Variants in STAT1 observed in about 807,000 individuals in gnomAD.
STAT1 encodes signal transducer and activator of transcription 1-alpha/beta.
Under a neutral mutation model 111.7 loss-of-function variants are expected in STAT1, and 24 were observed. That is an observed-to-expected ratio of 0.21 (90% CI 0.16 to 0.30). STAT1 has a LOEUF of 0.30. Ranked by LOEUF, STAT1 falls within the 10% of genes least tolerant of loss-of-function variation. STAT1 has a pLI of 1.00. For synonymous variants in STAT1, 332 were observed against 326.5 expected, an observed-to-expected ratio of 1.02 and a Z score of -0.18; for missense variants, 351 against 911.9, an observed-to-expected ratio of 0.38 and a Z score of 7.92.
rs756579283 is a variant in STAT1 at position 190,986,833 on chromosome 2, A to G, written c.1221+21T>C. The G allele has an allele frequency of 1.9e-6, 3 of 1,608,174 alleles. No homozygotes were observed. In the Admixed American group the frequency reaches 5.0e-5, roughly 27 times the overall value. ...TCCTAAGAAACCAGAGACAACATAG[A>G]GAGGAAACTGATGTCCCTACCAGGT... On this transcript the variant is annotated intron_variant, in intron 14 of 24. Coordinates refer to ENST00000361099, the MANE Select transcript of STAT1 (RefSeq NM_007315.4). This position sits in a 1 kb window ranked among gnomAD's most constrained non-coding sequence, Gnocchi z 5.0.
chr2:190,980,624 C>T lies in STAT1; in HGVS notation c.1628G>A (p.Cys543Tyr). ...TAAAACCCAGACAGTCCTCACCTTA[C>T]AAAACCTCGTCCACGGAATGAGACC... ...PDGLIPWTRF[C>Y]KENINDKNFP... The change falls in exon 19 of 25, where the codon TGT (cysteine) becomes TAT (tyrosine). Residue 543 changes from cysteine to tyrosine, a missense_variant. Around this residue, in one of 7 missense-constraint regions of STAT1, gnomAD observed 181 missense variants for 426.1 expected, o/e 0.42. Coordinates refer to ENST00000361099, the MANE Select transcript of STAT1 (RefSeq NM_007315.4). This position sits in a 1 kb window ranked among gnomAD's most constrained non-coding sequence, Gnocchi z 6.1. 1.2e-6 allele frequency: 2 copies of T among 1,614,202 alleles called. No individual in the cohort carries two copies. Among genetic ancestry groups the T allele is most frequent in the South Asian group, 1.1e-5 (1 of 91,086 alleles).
At position 190,997,476 on chromosome 2, in the gene STAT1, G is replaced by C. The variant is rs1280495396; in HGVS notation, c.785+380C>G. Reference sequence around the variant, plus strand: ...GGCATTTAATAAGTATTACTGGATGGATGACTGAATGTTTCCTAAAAAACT... The same window carrying C: ...GGCATTTAATAAGTATTACTGGATGCATGACTGAATGTTTCCTAAAAAACT... On this transcript the variant is annotated intron_variant, in intron 9 of 24. Transcript: ENST00000361099. The surrounding 1 kb of genome is among the most constrained non-coding windows in gnomAD (Gnocchi z 7.3). 6.6e-6 allele frequency among the ~76,000 whole-genome samples: 1 copy of C among 152,228 alleles called. No homozygotes were observed. The highest frequency in any genetic ancestry group is 1.5e-5 in the Non-Finnish European group (1 of 68,050).
In STAT1 at chr2:191,004,048, G is replaced by C. The variant is rs980978890; in HGVS notation, c.373-2885C>G. The stretch of plus-strand genomic sequence containing the variant: ...GGAAAAACCTGGTGACTGTGGCAGG[G>C]CCTAAGAAATCTCCTGCTTCCAACT... On this transcript the variant is annotated intron_variant, in intron 5 of 24. Coordinates refer to ENST00000361099, the MANE Select transcript of STAT1 (RefSeq NM_007315.4). This position sits in a 1 kb window ranked among gnomAD's most constrained non-coding sequence, Gnocchi z 5.0. Among the ~76,000 whole-genome samples, 1 of 152,148 alleles carries C rather than the reference G, an allele frequency of 6.6e-6. No individual in the cohort carries two copies. The highest frequency in any genetic ancestry group is 2.4e-5 in the African/African-American group (1 of 41,422).
chr2:191,011,189 T>C (rs1261503402), intron 2 of STAT1, among the ~76,000 whole-genome samples: 4 of 152,200 alleles, frequency 2.6e-5, no homozygotes, highest in Admixed American at 2.0e-4. Context: ...TATATACCAG[T>C]AGAAACGGAC....
Position 190,970,531 on chromosome 2 carries a change from C to T in STAT1, c.*172G>A, listed in dbSNP as rs1470359868. 1 of 724,322 alleles carries T rather than the reference C, an allele frequency of 1.4e-6. No individual in the cohort carries two copies. Among genetic ancestry groups the T allele is most frequent in the African/African-American group, 1.7e-5 (1 of 57,308 alleles). The allele number at this position is 724,322 out of a possible 1,614,324, so 44.9% of individuals were successfully genotyped here. ...AGATGCATGATGCCCTTCAGAGTAA[C>T]TGATGTTTCTGAGTTAGAGAAAAAT... On this transcript the variant is annotated 3_prime_UTR_variant, in exon 25 of 25. Coordinates refer to ENST00000361099, the MANE Select transcript of STAT1 (RefSeq NM_007315.4). This position sits in a 1 kb window ranked among gnomAD's most constrained non-coding sequence, Gnocchi z 5.4.
At position 191,012,364 on chromosome 2, in the gene STAT1, T is replaced by C. The variant is rs1354301737; in HGVS notation, c.-2+1161A>G. ...CCAGGAGGCGGAGGTTGCAGTGAGC[T>C]GAGATCGCGCCACTGTACTCCAGCC... On this transcript the variant is annotated intron_variant, in intron 2 of 24. Coordinates refer to ENST00000361099, the MANE Select transcript of STAT1 (RefSeq NM_007315.4). This position sits in a 1 kb window ranked among gnomAD's most constrained non-coding sequence, Gnocchi z 4.0. Among the ~76,000 whole-genome samples, 4 of 151,250 alleles carry C rather than the reference T, an allele frequency of 2.6e-5. No homozygotes were observed. The highest frequency in any genetic ancestry group is 5.9e-5 in the Non-Finnish European group (4 of 67,876).
Position 190,975,031 on chromosome 2 carries a change from CA to C in STAT1, c.2136-100del. ...TATCTTTTGTCTGTAATTGAATTAT[CA>C]CGTTATATTTTTATTTTGGGTAAGT... On this transcript the variant is annotated intron_variant, in intron 23 of 24. Coordinates refer to ENST00000361099, the MANE Select transcript of STAT1 (RefSeq NM_007315.4). The surrounding 1 kb of genome is among the most constrained non-coding windows in gnomAD (Gnocchi z 5.9). 2.1e-6 allele frequency: 2 copies of C among 964,810 alleles called. No homozygotes were observed. The highest frequency in any genetic ancestry group is 3.3e-6 in the Non-Finnish European group (2 of 610,570). The allele number at this position is 964,810 out of a possible 1,614,324, so 59.8% of individuals were successfully genotyped here. A position where few individuals can be genotyped will look rare whatever the true frequency, so the allele number is the denominator to read the frequency against.
In STAT1 at chr2:190,999,551, G is replaced by T; in HGVS notation, c.541+75C>A. 1 of 995,664 alleles carries T rather than the reference G, an allele frequency of 1.0e-6. No individual in the cohort carries two copies. Among genetic ancestry groups the T allele is most frequent in the Non-Finnish European group, 1.6e-6 (1 of 619,416 alleles). The allele number at this position is 995,664 out of a possible 1,614,324, so 61.7% of individuals were successfully genotyped here. On this transcript the variant is annotated intron_variant, in intron 7 of 24. Transcript: ENST00000361099. The surrounding 1 kb of genome is among the most constrained non-coding windows in gnomAD (Gnocchi z 4.1). ...TAAAATACTCGGCAAATAGAAAGGA[G>T]TAATCATCTTCGTTATCTAGTGTGA...
In STAT1 at chr2:190,986,890, G is replaced by A. The variant is rs2125034871; in HGVS notation, c.1185C>T (p.Ser395=). The A allele has an allele frequency of 6.2e-7, 1 of 1,614,212 alleles. No homozygotes were observed. Among genetic ancestry groups the A allele is most frequent in the Non-Finnish European group, 8.5e-7 (1 of 1,180,038 alleles). The change falls in exon 14 of 25, where the codon TCC becomes TCT. Residue 395 remains serine, a synonymous_variant. Coordinates refer to ENST00000361099, the MANE Select transcript of STAT1 (RefSeq NM_007315.4). The surrounding 1 kb of genome is among the most constrained non-coding windows in gnomAD (Gnocchi z 5.0). ...THTKVMNMEE[S]TNGSLAAEFR... ...ATTCAGCCGCCAGACTGCCATTGGTGGACTCCTCCATGTTCATCACTTTTG... is the reference window on the plus strand; with the variant it reads ...ATTCAGCCGCCAGACTGCCATTGGTAGACTCCTCCATGTTCATCACTTTTG...
Position 190,999,031 on chromosome 2 carries a change from A to G in STAT1, c.541+595T>C, listed in dbSNP as rs377387712. ...ATGAATAGAGTAACAGCAGTACCCT[A>G]CGTGTCCTACACAATGTACATTCTT... On this transcript the variant is annotated intron_variant, in intron 7 of 24. Coordinates refer to ENST00000361099, the MANE Select transcript of STAT1 (RefSeq NM_007315.4). The surrounding 1 kb of genome is among the most constrained non-coding windows in gnomAD (Gnocchi z 4.1). Among the ~76,000 whole-genome samples the G allele has an allele frequency of 5.3e-5, 8 of 152,112 alleles. 1 individual carries two copies. The highest frequency in any genetic ancestry group is 3.8e-4 in the East Asian group (2 of 5,200).
Position 190,986,778 on chromosome 2 carries a change from T to G in STAT1, c.1221+76A>C. 2 of 1,418,272 alleles carry G rather than the reference T, an allele frequency of 1.4e-6. No individual in the cohort carries two copies. The highest frequency in any genetic ancestry group is 1.0e-6 in the Non-Finnish European group (1 of 1,002,482). The allele number at this position is 1,418,272 out of a possible 1,614,324, so 87.9% of individuals were successfully genotyped here. On this transcript the variant is annotated intron_variant, in intron 14 of 24. Coordinates refer to ENST00000361099, the MANE Select transcript of STAT1 (RefSeq NM_007315.4). The surrounding 1 kb of genome is among the most constrained non-coding windows in gnomAD (Gnocchi z 5.0). ...GGGGGGCGTCCTCCACATGGCAATG[T>G]GCCAAAAAGGGCTGCTCTATTGTCA...
intron 10 of STAT1, chr2:190,992,645 G>A: frequency 1.8e-5 from 22 of 1,200,032 alleles, no homozygotes; most frequent in Non-Finnish European, 2.2e-5. Flanking sequence ...AATTTTAGCA[G>A]GAACCTCCAC....
In STAT1 at chr2:190,971,486, C is replaced by T. The variant is rs1285033622; in HGVS notation, c.2239-769G>A. Among the ~76,000 whole-genome samples, 1 of 152,146 alleles carries T rather than the reference C, an allele frequency of 6.6e-6. No individual in the cohort carries two copies. The highest frequency in any genetic ancestry group is 2.4e-5 in the African/African-American group (1 of 41,422). ...AAGCACAGGAAAGCTCCCCACCCCA[C>T]CAATCCCCAACAAATAATTCTGAAG... is the stretch of plus-strand genomic sequence containing the variant. On this transcript the variant is annotated intron_variant, in intron 24 of 24. Transcript: ENST00000361099. The surrounding 1 kb of genome is among the most constrained non-coding windows in gnomAD (Gnocchi z 4.1).
Position 190,998,136 on chromosome 2 carries a change from T to A in STAT1, c.633+81A>T, listed in dbSNP as rs1182224090. 4.5e-6 allele frequency: 7 copies of A among 1,564,550 alleles called. No individual in the cohort carries two copies. Among genetic ancestry groups the A allele is most frequent in the Non-Finnish European group, 6.2e-6 (7 of 1,138,174 alleles). ...GGCTCTAAGCCAGGTGGCTATAATT[T>A]TTCCTCTCTTCTAAACTTTGAGTCC... is the stretch of plus-strand genomic sequence containing the variant. On this transcript the variant is annotated intron_variant, in intron 8 of 24. Transcript: ENST00000361099. The surrounding 1 kb of genome is among the most constrained non-coding windows in gnomAD (Gnocchi z 4.1).
chr2:190,970,671 T>C lies in STAT1; in HGVS notation c.*32A>G. The C allele has an allele frequency of 6.2e-7, 1 of 1,610,430 alleles. No individual in the cohort carries two copies. Among genetic ancestry groups the C allele is most frequent in the South Asian group, 1.1e-5 (1 of 91,016 alleles). ...GGGAATCACAGATGAGAAGGAAAAC[T>C]GTCGCCAGAGAAGATGAAAAAAATT... On this transcript the variant is annotated 3_prime_UTR_variant, in exon 25 of 25. Coordinates refer to ENST00000361099, the MANE Select transcript of STAT1 (RefSeq NM_007315.4). The surrounding 1 kb of genome is among the most constrained non-coding windows in gnomAD (Gnocchi z 5.4).
rs1042949869 is a variant in STAT1 at position 190,983,527 on chromosome 2, G to A, written c.1446+115C>T. On this transcript the variant is annotated intron_variant, in intron 17 of 24. Coordinates refer to ENST00000361099, the MANE Select transcript of STAT1 (RefSeq NM_007315.4). This position sits in a 1 kb window ranked among gnomAD's most constrained non-coding sequence, Gnocchi z 5.7. ...CTCAAAAGCCTTAGAAATACCACAG[G>A]AGCTTTGTCACTTCTCCCTTAACAA... 1.6e-5 allele frequency: 14 copies of A among 889,682 alleles called. No homozygotes were observed. The highest frequency in any genetic ancestry group is 2.5e-5 in the Non-Finnish European group (13 of 525,762). The allele number at this position is 889,682 out of a possible 1,614,324, so 55.1% of individuals were successfully genotyped here. A position where few individuals can be genotyped will look rare whatever the true frequency, so the allele number is the denominator to read the frequency against.
At chr2:191,013,399 G>A in intron 2 of STAT1, 126 bp downstream of exon 2, 1 of 373,416 alleles carries the variant, frequency 2.7e-6, no homozygotes, top group Non-Finnish European at 4.7e-6. Flanking sequence ...TGGGGGGTCT[G>A]CAAAAACTAA....
rs955359340 is a variant in STAT1 at position 190,981,008 on chromosome 2, C to A, written c.1583-339G>T. ...AGCCTTACCATCTGCTCTCTCCCTC[C>A]CCAGCCCCCCTTTTCCCTCCCTCCT... is the stretch of plus-strand genomic sequence containing the variant. On this transcript the variant is annotated intron_variant, in intron 18 of 24. Transcript: ENST00000361099. The surrounding 1 kb of genome is among the most constrained non-coding windows in gnomAD (Gnocchi z 4.1). Among the ~76,000 whole-genome samples the A allele has an allele frequency of 1.3e-5, 2 of 151,830 alleles. No individual in the cohort carries two copies. Among genetic ancestry groups the A allele is most frequent in the Non-Finnish European group, 2.9e-5 (2 of 68,004 alleles).
intron 10 of STAT1, among the ~76,000 whole-genome samples, chr2:190,991,727 G>A (rs1057291343): frequency 4.0e-5 from 6 of 150,950 alleles, no homozygotes; most frequent in African/African-American, 9.8e-5. Context: ...TTAGCCAGGC[G>A]TGGCTAATTA....
Sources: allele counts gnomAD v4.1 joint callset (sites outside exome capture counted in the v4.1 genomes callset), GRCh38; gene constraint gnomAD v4.1.1; regional missense constraint gnomAD v4.1.1; non-coding constraint Gnocchi (gnomAD v3.1); transcripts MANE v1.5; gene names NCBI Gene and HGNC (gene_info 2026-07-23, HGNC 2026-07-21).